Variants in DUSP7 observed in about 807,000 individuals in gnomAD.
The protein encoded by DUSP7 is dual specificity protein phosphatase 7.
DUSP7 carries 7 observed loss-of-function variants against 29.8 expected under a neutral mutation model. That is an observed-to-expected ratio of 0.24 (90% CI 0.13 to 0.44). DUSP7 has a LOEUF of 0.44. DUSP7 is among the 20% of genes least tolerant of loss of function. The probability of loss-of-function intolerance (pLI) is 1.00; values close to 1 mark genes in which losing one functional copy is unlikely to be tolerated. For synonymous variants in DUSP7, 287 were observed against 275.4 expected (o/e 1.04, Z -0.42); for missense variants, 400 against 583.7 (o/e 0.69, Z 3.24).
In DUSP7 at chr3:52,056,098, G is replaced by T. The variant is rs1701897961; in HGVS notation, c.269C>A (p.Thr90Lys). The T allele has an allele frequency of 1.2e-6, 2 of 1,608,006 alleles. No individual in the cohort carries two copies. Among genetic ancestry groups the T allele is most frequent in the East Asian group, 2.2e-5 (1 of 44,674 alleles). Reference sequence around the variant, plus strand: ...GCCCGGGATGGCCAGGTTGATGGCCGTCTCGATGTGCGACGACTCGAAGAG... The same window carrying T: ...GCCCGGGATGGCCAGGTTGATGGCCTTCTCGATGTGCGACGACTCGAAGAG... Reference protein sequence around the residue: ...HELFESSHIETAINLAIPGLM... With the variant: ...HELFESSHIEKAINLAIPGLM... Residue 90 changes from threonine to lysine, a missense_variant, in exon 1 of 3, where the codon ACG becomes AAG. Transcript: ENST00000495880. The surrounding 1 kb of genome is among the most constrained non-coding windows in gnomAD (Gnocchi z 6.4).
chr3:52,050,565 C>T lies in DUSP7; in HGVS notation c.*250G>A, dbSNP rs1181857040. ...GGAGCGTCCTGGACAGGATGAGGCC[C>T]TGGTGGACGCCCAAAGCCACGTGTC... On this transcript the variant is annotated 3_prime_UTR_variant, in exon 3 of 3. Transcript: ENST00000495880. This position sits in a 1 kb window ranked among gnomAD's most constrained non-coding sequence, Gnocchi z 5.0. 3 of 500,526 alleles carry T rather than the reference C, an allele frequency of 6.0e-6. No homozygotes were observed. The highest frequency in any genetic ancestry group is 6.7e-5 in the East Asian group (2 of 30,046). The allele number at this position is 500,526 out of a possible 1,614,324, so 31.0% of individuals were successfully genotyped here.
At position 52,054,087 on chromosome 3, in the gene DUSP7, A is replaced by T. The variant is rs756121239; in HGVS notation, c.805T>A (p.Tyr269Asn). 6.2e-7 allele frequency: 1 copy of T among 1,614,190 alleles called. No individual in the cohort carries two copies. Among genetic ancestry groups the T allele is most frequent in the South Asian group, 1.1e-5 (1 of 91,082 alleles). The change falls in exon 2 of 3, where the codon TAT (tyrosine) becomes AAT (asparagine). Residue 269 changes from tyrosine to asparagine, a missense_variant. Tyr to Asn is a moderately radical substitution (Grantham distance 143). Coordinates refer to ENST00000495880, the MANE Select transcript of DUSP7 (RefSeq NM_001947.4). This position sits in a 1 kb window ranked among gnomAD's most constrained non-coding sequence, Gnocchi z 4.1. The part of the protein sequence containing the change: ...DSTNLDVLGK[Y>N]GIKYILNVTP... ...ACATTGAGGATATACTTGATGCCAT[A>T]CTTGCCGAGCACGTCCAGGTTGGTG...
In DUSP7 at chr3:52,053,771, T is replaced by C; in HGVS notation, c.952+169A>G. The C allele has an allele frequency of 1.4e-6, 1 of 704,708 alleles. No individual in the cohort carries two copies. The highest frequency in any genetic ancestry group is 2.4e-6 in the Non-Finnish European group (1 of 422,100). The allele number at this position is 704,708 out of a possible 1,614,324, so 43.7% of individuals were successfully genotyped here. ...CAACAGGTAGAGGGGCCCAAGGGAC[T>C]CGGTGACTCACAGTAGGCCTGGGTA... On this transcript the variant is annotated intron_variant, in intron 2 of 2. Transcript: ENST00000495880. This position sits in a 1 kb window ranked among gnomAD's most constrained non-coding sequence, Gnocchi z 4.6.
Position 52,054,454 on chromosome 3 carries a change from G to T in DUSP7, c.518-80C>A. 2 of 1,230,624 alleles carry T rather than the reference G, an allele frequency of 1.6e-6. No homozygotes were observed. Among genetic ancestry groups the T allele is most frequent in the Non-Finnish European group, 2.2e-6 (2 of 889,670 alleles). 76.2% of individuals were successfully genotyped at this position (1,230,624 alleles called of 1,614,324 possible). ...GCTGCACAAGACCAGAGATGGCCAG[G>T]ACTCTGCACGCCAAACACCACAGCA... On this transcript the variant is annotated intron_variant, in intron 1 of 2. Transcript: ENST00000495880. The surrounding 1 kb of genome is among the most constrained non-coding windows in gnomAD (Gnocchi z 4.1).
At chr3:52,055,296 C>G (rs1175821052) in intron 1 of DUSP7, among the ~76,000 whole-genome samples, 1 of 152,216 alleles carries the variant, frequency 6.6e-6, no homozygotes, top group Non-Finnish European at 1.5e-5. Context: ...CCCGAGAGAC[C>G]CGGGCCAGGG....
At chr3:52,055,744 C>T in intron 1 of DUSP7, 106 bp downstream of exon 1, 1 of 1,351,048 alleles carries the variant, frequency 7.4e-7, no homozygotes, top group African/African-American at 1.5e-5. Context: ...GACGTGGCGC[C>T]CAGAGGGGCA....
Position 52,056,396 on chromosome 3 carries a change from C to G in DUSP7, c.-30G>C. On this transcript the variant is annotated 5_prime_UTR_variant, in exon 1 of 3. Transcript: ENST00000495880. This position sits in a 1 kb window ranked among gnomAD's most constrained non-coding sequence, Gnocchi z 6.4. ...AGCGCGGGCGGCCCGGGGCCGGGGC[C>G]GGGCAGCCCTGCCCTGGGACGGCGC... 9.7e-7 allele frequency: 1 copy of G among 1,027,330 alleles called. No individual in the cohort carries two copies. The highest frequency in any genetic ancestry group is 4.5e-5 in the South Asian group (1 of 22,242). The allele number at this position is 1,027,330 out of a possible 1,614,324, so 63.6% of individuals were successfully genotyped here.
In DUSP7 at chr3:52,054,589, G is replaced by A. The variant is rs562171669; in HGVS notation, c.518-215C>T. ...AGATAAGGAAACTGAGGCCCCAGAA[G>A]GTGAAGTGACGTGCCTGGACTCCAA... On this transcript the variant is annotated intron_variant, in intron 1 of 2. Transcript: ENST00000495880. This position sits in a 1 kb window ranked among gnomAD's most constrained non-coding sequence, Gnocchi z 4.1. Among the ~76,000 whole-genome samples, 5 of 152,306 alleles carry A rather than the reference G, an allele frequency of 3.3e-5. No individual in the cohort carries two copies. The South Asian group carries it at 1.0e-3, about 32-fold the overall frequency.
At chr3:52,055,629 C>A (rs1458877107) in intron 1 of DUSP7, among the ~76,000 whole-genome samples, 1 of 152,230 alleles carries the variant, frequency 6.6e-6, no homozygotes, top group Non-Finnish European at 1.5e-5. Flanking sequence ...AAGTTTGTTC[C>A]ACCCACTCGA....
Position 52,054,212 on chromosome 3 carries a change from C to T in DUSP7, c.680G>A (p.Ser227Asn), listed in dbSNP as rs753913591. 1 of 1,611,766 alleles carries T rather than the reference C, an allele frequency of 6.2e-7. No homozygotes were observed. Among genetic ancestry groups the T allele is most frequent in the Admixed American group, 1.7e-5 (1 of 59,960 alleles). Residue 227 changes from serine (S) to asparagine (N), a missense_variant, in exon 2 of 3, where the codon AGC (serine) becomes AAC (asparagine). Around this residue, in one of 4 missense-constraint regions of DUSP7, gnomAD observed 223 missense variants for 360.9 expected, o/e 0.62. Transcript: ENST00000495880. This position sits in a 1 kb window ranked among gnomAD's most constrained non-coding sequence, Gnocchi z 4.1. Reference protein sequence around the residue: ...SDGESDRELPSSATESDGSPV... With the variant: ...SDGESDRELPNSATESDGSPV... ...GCTGCCGTCTGACTCGGTGGCACTG[C>T]TGGGCAGCTCTCGGTCCGACTCGCC...
In DUSP7 at chr3:52,056,124, C is replaced by G; in HGVS notation, c.243G>C (p.Glu81Asp). 6.2e-7 allele frequency: 1 copy of G among 1,604,204 alleles called. No homozygotes were observed. The highest frequency in any genetic ancestry group is 2.2e-5 in the East Asian group (1 of 44,672). The change falls in exon 1 of 3, where the codon GAG becomes GAC. Residue 81 changes from glutamate (E) to aspartate (D), a missense_variant. Glu to Asp is a conservative substitution (Grantham distance 45). Transcript: ENST00000495880. This position sits in a 1 kb window ranked among gnomAD's most constrained non-coding sequence, Gnocchi z 6.4. The stretch of plus-strand genomic sequence containing the variant: ...TCTCGATGTGCGACGACTCGAAGAG[C>G]TCGTGCGGCCGGCAGTCGAGCAGCA... ...SLLLLDCRPH[E>D]LFESSHIETA...
rs1701901697 is a variant in DUSP7 at position 52,056,418 on chromosome 3, G to C, written c.-52C>G. On this transcript the variant is annotated 5_prime_UTR_variant, in exon 1 of 3. Coordinates refer to ENST00000495880, the MANE Select transcript of DUSP7 (RefSeq NM_001947.4). This position sits in a 1 kb window ranked among gnomAD's most constrained non-coding sequence, Gnocchi z 6.4. ...GGCCGGGCAGCCCTGCCCTGGGACG[G>C]CGCCCCGGCCGCGCGGGCCCCAGCC... 1.1e-6 allele frequency: 1 copy of C among 949,034 alleles called. No individual in the cohort carries two copies. 58.8% of individuals were successfully genotyped at this position (949,034 alleles called of 1,614,324 possible).
chr3:52,056,383 C>A lies in DUSP7; in HGVS notation c.-17G>T. On this transcript the variant is annotated 5_prime_UTR_variant, in exon 1 of 3. Transcript: ENST00000495880. The surrounding 1 kb of genome is among the most constrained non-coding windows in gnomAD (Gnocchi z 6.4). The stretch of plus-strand genomic sequence containing the variant: ...GTTTTTCATGGGGAGCGCGGGCGGC[C>A]CGGGGCCGGGGCCGGGCAGCCCTGC... The A allele has an allele frequency of 9.5e-7, 1 of 1,048,866 alleles. No homozygotes were observed. The highest frequency in any genetic ancestry group is 1.1e-6 in the Non-Finnish European group (1 of 872,616). 65.0% of individuals were successfully genotyped at this position (1,048,866 alleles called of 1,614,324 possible). A position where few individuals can be genotyped will look rare whatever the true frequency, so the allele number is the denominator to read the frequency against.
At position 52,054,905 on chromosome 3, in the gene DUSP7, C is replaced by A. The variant is rs998157049; in HGVS notation, c.518-531G>T. Among the ~76,000 whole-genome samples, 1 of 152,216 alleles carries A rather than the reference C, an allele frequency of 6.6e-6. No individual in the cohort carries two copies. Among genetic ancestry groups the A allele is most frequent in the Admixed American group, 6.5e-5 (1 of 15,288 alleles). On this transcript the variant is annotated intron_variant, in intron 1 of 2. Transcript: ENST00000495880. The surrounding 1 kb of genome is among the most constrained non-coding windows in gnomAD (Gnocchi z 4.1). The stretch of plus-strand genomic sequence containing the variant: ...ACGGGAGTCTAGTGGTTGCCCAGCC[C>A]CGAAACTACAGCTGGGGAGGGTAGT...
chr3:52,055,352 G>A (rs553528792), intron 1 of DUSP7, among the ~76,000 whole-genome samples: 17 of 152,290 alleles, frequency 1.1e-4, no homozygotes, highest in African/African-American at 3.8e-4. Context: ...CCTAGAGGCG[G>A]CAATTCTCCG....
In DUSP7 at chr3:52,050,809, C is replaced by A. The variant is rs1286749138; in HGVS notation, c.*6G>T. On this transcript the variant is annotated 3_prime_UTR_variant, in exon 3 of 3. Coordinates refer to ENST00000495880, the MANE Select transcript of DUSP7 (RefSeq NM_001947.4). This position sits in a 1 kb window ranked among gnomAD's most constrained non-coding sequence, Gnocchi z 5.0. ...GCCTGGTGCCATGCCCCCCGTGCAC[C>A]AGGCCTCACGTGGACTCCAGCGTAT... 3 of 1,605,636 alleles carry A rather than the reference C, an allele frequency of 1.9e-6. No homozygotes were observed. Among genetic ancestry groups the A allele is most frequent in the Non-Finnish European group, 2.6e-6 (3 of 1,173,342 alleles).
At chr3:52,052,360 G>C (rs575975954) in intron 2 of DUSP7, 1 of 152,304 alleles carries the variant, frequency 6.6e-6, no homozygotes, top group African/African-American at 2.4e-5. Context: ...CAACCAAGGA[G>C]TAAAGCATAC....
In DUSP7 at chr3:52,054,033, G is replaced by A; in HGVS notation, c.859C>T (p.His287Tyr). The A allele has an allele frequency of 3.7e-6, 6 of 1,614,238 alleles. No homozygotes were observed. Among genetic ancestry groups the A allele is most frequent in the Non-Finnish European group, 5.1e-6 (6 of 1,180,048 alleles). The change falls in exon 2 of 3, where the codon CAC becomes TAC. Residue 287 changes from histidine to tyrosine, a missense_variant. Physicochemically the swap from His to Tyr is moderately conservative, Grantham distance 83. Transcript: ENST00000495880. The surrounding 1 kb of genome is among the most constrained non-coding windows in gnomAD (Gnocchi z 4.1). ...TGCTTGTAGGTGAACTCGCCGCCGT[G>A]CTCGAAGGCGTTGGGTAGGTTGGGT... Reference protein sequence around the residue: ...VTPNLPNAFEHGGEFTYKQIP... With the variant: ...VTPNLPNAFEYGGEFTYKQIP...
chr3:52,054,138 G>A lies in DUSP7; in HGVS notation c.754C>T (p.Leu252Phe). The change falls in exon 2 of 3, where the codon CTC (leucine) becomes TTC (phenylalanine). Residue 252 changes from leucine to phenylalanine, a missense_variant. Coordinates refer to ENST00000495880, the MANE Select transcript of DUSP7 (RefSeq NM_001947.4). This position sits in a 1 kb window ranked among gnomAD's most constrained non-coding sequence, Gnocchi z 4.1. ...PAFPVQILPY[L>F]YLGCAKDSTN... is the part of the protein sequence containing the mutation. The stretch of plus-strand genomic sequence containing the variant: ...GAGTCCTTGGCGCAGCCGAGGTAGA[G>A]GTAGGGCAGGATCTGGACAGGGAAG... 6.2e-7 allele frequency: 1 copy of A among 1,614,220 alleles called. No individual in the cohort carries two copies. Among genetic ancestry groups the A allele is most frequent in the Non-Finnish European group, 8.5e-7 (1 of 1,180,036 alleles).
Sources: gnomAD v4.1 joint callset for allele counts (sites outside exome capture counted in the v4.1 genomes callset) on GRCh38, gnomAD v4.1.1 for gene constraint, gnomAD v4.1.1 regional missense constraint, Gnocchi (gnomAD v3.1) non-coding constraint, MANE v1.5 for transcripts, NCBI Gene and HGNC (gene_info 2026-07-23, HGNC 2026-07-21) for gene names.